The following ZNF37A variants were observed in gnomAD, a reference collection of about 807,000 sequenced individuals.
The protein encoded by ZNF37A is zinc finger protein 37A.
A neutral mutation model predicts 12.3 loss-of-function variants in ZNF37A; 10 were observed. That is an observed-to-expected ratio of 0.82 (90% CI 0.50 to 1.38). The LOEUF is 1.38. Ranked by LOEUF, ZNF37A falls within the 40% of genes most tolerant of loss-of-function variation. ZNF37A has a pLI of 0.00. For synonymous variants in ZNF37A, 207 were observed against 223.0 expected (o/e 0.93, Z 0.64); for missense variants, 580 against 651.2 (o/e 0.89, Z 1.19).
In ZNF37A at chr10:38,094,370, G is replaced by T. The variant is rs530014878; in HGVS notation, c.-612G>T. Reference sequence around the variant, plus strand: ...GTGTGCACTTTTCGGCCCCCGTCGCGGGAGCCGCTTCGGGCCTTCTGGGCA... The same window carrying T: ...GTGTGCACTTTTCGGCCCCCGTCGCTGGAGCCGCTTCGGGCCTTCTGGGCA... On this transcript the variant is annotated 5_prime_UTR_variant, in exon 1 of 8. Coordinates refer to ENST00000685332, the MANE Select transcript of ZNF37A (RefSeq NM_001324250.3). The T allele has an allele frequency of 6.6e-6, 1 of 152,362 alleles. No individual in the cohort carries two copies. The highest frequency in any genetic ancestry group is 1.5e-5 in the Non-Finnish European group (1 of 68,076). The allele number at this position is 152,362 out of a possible 1,614,324, so 9.4% of individuals were successfully genotyped here. A position where few individuals can be genotyped will look rare whatever the true frequency, so the allele number is the denominator to read the frequency against.
At chr10:38,127,235 C>A (rs1389795397), downstream of ZNF37A, among the ~76,000 whole-genome samples, 4 of 152,108 alleles carry the variant, frequency 2.6e-5, no homozygotes, top group African/African-American at 9.7e-5. Flanking sequence ...TTGCCGCTGG[C>A]TTTTTCTGGA....
intron 7 of ZNF37A, chr10:38,144,420 T>C (rs1590952839): frequency 6.6e-6 from 1 of 152,358 alleles, no homozygotes; most frequent in East Asian, 1.9e-4. Context: ...AATCAGTATA[T>C]ACTTATACAT....
chr10:38,094,722 TGCCCAATAGA>T (rs2067005892), intron 1 of ZNF37A, among the ~76,000 whole-genome samples, 199 bp from the exon 2 acceptor site: 1 of 152,258 alleles, frequency 6.6e-6, no homozygotes, highest in Non-Finnish European at 1.5e-5. Flanking sequence ...ACGGGCCTTC[TGCCCAATAGA>T]TGCGCGCTTC....
At chr10:38,112,746 T>TC (rs1564931904) in intron 5 of ZNF37A, among the ~76,000 whole-genome samples, 3 of 106,402 alleles carry the variant, frequency 2.8e-5, no homozygotes, top group African/African-American at 1.2e-4. Flanking sequence ...TTTTCTTTTC[T>TC]TTTCTTTTCT....
chr10:38,148,839 ATTC>A (rs938365073), exon 8 of ZNF37A: 9 of 125,500 alleles, frequency 7.2e-5, no homozygotes, highest in African/African-American at 3.0e-4. Context: ...TTGCTTTAAT[ATTC>A]TTTTTTTTTT....
chr10:38,094,431 C>T lies in ZNF37A; in HGVS notation c.-551C>T, dbSNP rs1310235511. 1 of 152,194 alleles carries T rather than the reference C, an allele frequency of 6.6e-6. No individual in the cohort carries two copies. Among genetic ancestry groups the T allele is most frequent in the African/African-American group, 2.4e-5 (1 of 41,448 alleles). 9.4% of individuals were successfully genotyped at this position (152,194 alleles called of 1,614,324 possible). A position where few individuals can be genotyped will look rare whatever the true frequency, so the allele number is the denominator to read the frequency against. On this transcript the variant is annotated 5_prime_UTR_variant, in exon 1 of 8. Transcript: ENST00000685332. ...ATGGCTCCAGGTTTGTTTTTCTCCC[C>T]GGCACTCTGACGGGGAGGGCTCCCG...
chr10:38,117,300 TA>T (rs1293440145), intron 7 of ZNF37A, 89 bp from the exon 8 acceptor site: 11 of 1,507,860 alleles, frequency 7.3e-6, no homozygotes, highest in Non-Finnish European at 5.3e-6. Flanking sequence ...GATAATGGCC[TA>T]AACTGAGCCA....
At chr10:38,115,093 G>GTGTGTGTGTGTGTGTT in intron 6 of ZNF37A, 102 bp from the exon 7 acceptor site, 2 of 956,720 alleles carry the variant, frequency 2.1e-6, no homozygotes, top group Non-Finnish European at 3.1e-6. Context: ...GTGTGTGTGT[G>GTGTGTGTGTGTGTGTT]TGTGTGTGTG....
At chr10:38,108,763 A>G (rs1196268424) in intron 5 of ZNF37A, among the ~76,000 whole-genome samples, 3 of 152,082 alleles carry the variant, frequency 2.0e-5, no homozygotes, top group African/African-American at 7.3e-5. Flanking sequence ...GGACACTTAC[A>G]CCCTCTCAAG....
At chr10:38,115,448 T>A in intron 7 of ZNF37A, 158 bp downstream of exon 7, 1 of 1,017,838 alleles carries the variant, frequency 9.8e-7, no homozygotes, top group Non-Finnish European at 1.4e-6. Context: ...GCAGTGACTC[T>A]GAATCACCCA....
At chr10:38,129,766 C>T (rs1222874213), downstream of ZNF37A, among the ~76,000 whole-genome samples, 1 of 152,136 alleles carries the variant, frequency 6.6e-6, no homozygotes, top group East Asian at 1.9e-4. Flanking sequence ...TTGCCAAAAA[C>T]CCCTTATCCC....
At chr10:38,145,695 T>C (rs758761664) in intron 7 of ZNF37A, among the ~76,000 whole-genome samples, 12 of 152,336 alleles carry the variant, frequency 7.9e-5, no homozygotes, top group Non-Finnish European at 1.6e-4. Context: ...TCAGTCACTG[T>C]GGCAGATTTA....
intron 7 of ZNF37A, chr10:38,139,023 G>T (rs2070147155): frequency 6.6e-6 from 1 of 152,188 alleles, no homozygotes; most frequent in Non-Finnish European, 1.5e-5. Flanking sequence ...TATCTGCAGA[G>T]GAAGAGCTAC....
intron 5 of ZNF37A, among the ~76,000 whole-genome samples, chr10:38,107,038 A>G (rs1454645084): frequency 6.6e-6 from 1 of 152,170 alleles, no homozygotes; most frequent in African/African-American, 2.4e-5. Context: ...AGAGCAACCC[A>G]AGACACATAA....
chr10:38,126,254 A>T (rs763589256), downstream of ZNF37A, among the ~76,000 whole-genome samples: 1 of 152,208 alleles, frequency 6.6e-6, no homozygotes, highest in Non-Finnish European at 1.5e-5. Context: ...GAGAACCACA[A>T]CTGGACAATG....
In ZNF37A at chr10:38,124,122, A is replaced by C. The variant is rs1402549070; in HGVS notation, c.*5285A>C. ...TGAATGGATAAATAAAATATGGTAC[A>C]TAAACACAATGGAGTACTATTCAGC... On this transcript the variant is annotated 3_prime_UTR_variant, in exon 8 of 8. Coordinates refer to ENST00000685332, the MANE Select transcript of ZNF37A (RefSeq NM_001324250.3). 2 of 152,314 alleles carry C rather than the reference A, an allele frequency of 1.3e-5. No individual in the cohort carries two copies. Among genetic ancestry groups the C allele is most frequent in the Admixed American group, 1.3e-4 (2 of 15,280 alleles). 9.4% of individuals were successfully genotyped at this position (152,314 alleles called of 1,614,324 possible). A position where few individuals can be genotyped will look rare whatever the true frequency, so the allele number is the denominator to read the frequency against.
At chr10:38,140,230 G>C (rs1160343681) in intron 7 of ZNF37A, 1 of 152,126 alleles carries the variant, frequency 6.6e-6, no homozygotes, top group Admixed American at 6.5e-5. Flanking sequence ...TATTCCAAGA[G>C]GAAAAAGAAA....
At chr10:38,126,026 A>G (rs2069920340), downstream of ZNF37A, among the ~76,000 whole-genome samples, 1 of 152,166 alleles carries the variant, frequency 6.6e-6, no homozygotes, top group South Asian at 2.1e-4. Context: ...ACTAAGCCAT[A>G]TGAGGGTTCC....
At chr10:38,114,941 A>G (rs2069128248) in intron 6 of ZNF37A, 60 bp downstream of exon 6, 2 of 1,536,024 alleles carry the variant, frequency 1.3e-6, no homozygotes, top group East Asian at 2.3e-5. Context: ...TTATCAATAG[A>G]AACTTGTGGA....
Sources: allele counts gnomAD v4.1 joint callset (sites outside exome capture counted in the v4.1 genomes callset), GRCh38; gene constraint gnomAD v4.1.1; transcripts MANE v1.5; gene names NCBI Gene and HGNC (gene_info 2026-07-23, HGNC 2026-07-21).